PCDHGB7: variants seen among roughly 807,000 people sequenced by gnomAD.
The protein encoded by PCDHGB7 is protocadherin gamma-B7.
Under a neutral mutation model 61.4 loss-of-function variants are expected in PCDHGB7, and 37 were observed. The ratio of observed to expected loss-of-function variants is 0.60; its 90% confidence interval spans 0.46 to 0.79. The LOEUF is 0.79. Ranked by LOEUF, PCDHGB7 falls within the 30% of genes least tolerant of loss-of-function variation. PCDHGB7 has a pLI of 0.00. For synonymous variants in PCDHGB7, 464 were observed against 503.5 expected, an observed-to-expected ratio of 0.92 and a Z score of 1.05; for missense variants, 1,166 against 1,202.5, an observed-to-expected ratio of 0.97 and a Z score of 0.45.
chr5:141,419,770 G>C lies in PCDHGB7; in HGVS notation c.1911G>C (p.Ser637=). 1 of 1,614,006 alleles carries C rather than the reference G, an allele frequency of 6.2e-7. No homozygotes were observed. The highest frequency in any genetic ancestry group is 8.5e-7 in the Non-Finnish European group (1 of 1,179,890). The change falls in exon 1 of 4, where the codon TCG becomes TCC. Residue 637 remains serine (S), a synonymous_variant. Transcript: ENST00000398594. ...RMVRALGDKD[S]VRQRLLVAVR... ...TGCGTGCTTTGGGTGACAAGGACTC[G>C]GTCCGCCAGCGCCTGCTAGTCGCTG... is the stretch of plus-strand genomic sequence containing the variant.
At chr5:141,448,394 T>C (rs1360417681) in intron 1 of PCDHGB7, among the ~76,000 whole-genome samples, 1 of 152,206 alleles carries the variant, frequency 6.6e-6, no homozygotes. Context: ...TACATTTACA[T>C]GGTTTTAAAA....
rs575872277 is a variant in PCDHGB7, at chr5:141,511,848, G to A, written c.*675G>A. The A allele has an allele frequency of 6.4e-6, 1 of 156,684 alleles. No individual in the cohort carries two copies. The highest frequency in any genetic ancestry group is 2.0e-4 in the South Asian group (1 of 5,078). The allele number at this position is 156,684 out of a possible 1,614,324, so 9.7% of individuals were successfully genotyped here. A position where few individuals can be genotyped will look rare whatever the true frequency, so the allele number is the denominator to read the frequency against. ...GCCCTGGGGACCAGTCTTCTGTTTT[G>A]TTTTTCATTGTTTGACGTTTCCACT... On this transcript the variant is annotated 3_prime_UTR_variant, in exon 4 of 4. Transcript: ENST00000398594.
chr5:141,435,737 T>C (rs944951200), intron 1 of PCDHGB7, among the ~76,000 whole-genome samples: 1 of 152,202 alleles, frequency 6.6e-6, no homozygotes, highest in Non-Finnish European at 1.5e-5. Context: ...TATTACTCTT[T>C]GAAAAGCATT....
intron 2 of PCDHGB7, among the ~76,000 whole-genome samples, chr5:141,502,827 A>G (rs1003204508): frequency 2.7e-5 from 4 of 150,478 alleles, no homozygotes; most frequent in African/African-American, 9.8e-5. Flanking sequence ...TCCTTGGGGA[A>G]GCCTGGACTG....
chr5:141,479,572 T>G (rs956648090), intron 1 of PCDHGB7: 2 of 152,190 alleles, frequency 1.3e-5, no homozygotes, highest in African/African-American at 2.4e-5. Context: ...TGGGATGACA[T>G]CTGTGAATAG....
rs772000812 is a variant in PCDHGB7, at chr5:141,478,304, C to T, written c.2416-16503C>T. The T allele has an allele frequency of 8.1e-6, 13 of 1,614,108 alleles. No individual in the cohort carries two copies. In the Middle Eastern group the frequency reaches 1.2e-3, roughly 143 times the overall value. On this transcript the variant is annotated intron_variant, in intron 1 of 3. Coordinates refer to ENST00000398594, the MANE Select transcript of PCDHGB7 (RefSeq NM_018927.4). The stretch of plus-strand genomic sequence containing the variant: ...GCAGTCTAGAGACCTATACCGAGCC[C>T]CGGTGAGCTCACTGTACCGAACACC...
At chr5:141,460,177 T>C (rs1021646181) in intron 1 of PCDHGB7, among the ~76,000 whole-genome samples, 13 of 152,138 alleles carry the variant, frequency 8.5e-5, no homozygotes, top group African/African-American at 3.1e-4. Context: ...TTGTGGATAT[T>C]TTATCCCAGA....
At chr5:141,433,205 TTTC>T in intron 1 of PCDHGB7, 1 of 1,573,264 alleles carries the variant, frequency 6.4e-7, no homozygotes, top group Non-Finnish European at 8.6e-7. Context: ...TCAAATCTTC[TTTC>T]TTTTTTTTTT....
rs780436102 is a variant in PCDHGB7 at position 141,431,846 on chromosome 5, G to T, written c.2415+11572G>T. On this transcript the variant is annotated intron_variant, in intron 1 of 3. Coordinates refer to ENST00000398594, the MANE Select transcript of PCDHGB7 (RefSeq NM_018927.4). The surrounding 1 kb of genome is among the most constrained non-coding windows in gnomAD (Gnocchi z 4.8). ...CTCGGTTCCCGAAAACTCTCCCAGA[G>T]GGACATTAATTGCCCTTTTAAATGT... 4 of 1,614,274 alleles carry T rather than the reference G, an allele frequency of 2.5e-6. No homozygotes were observed. The South Asian group carries it at 4.4e-5, about 18-fold the overall frequency.
At chr5:141,446,365 G>T (rs2098499873) in intron 1 of PCDHGB7, among the ~76,000 whole-genome samples, 1 of 152,194 alleles carries the variant, frequency 6.6e-6, no homozygotes, top group Non-Finnish European at 1.5e-5. Flanking sequence ...GATGAGAATG[G>T]AAGACTAAAG....
In PCDHGB7 at chr5:141,489,152, A is replaced by C; in HGVS notation, c.2416-5655A>C. The C allele has an allele frequency of 2.1e-6, 2 of 960,350 alleles. No individual in the cohort carries two copies. Among genetic ancestry groups the C allele is most frequent in the Non-Finnish European group, 3.1e-6 (2 of 640,552 alleles). 59.5% of individuals were successfully genotyped at this position (960,350 alleles called of 1,614,324 possible). A position where few individuals can be genotyped will look rare whatever the true frequency, so the allele number is the denominator to read the frequency against. On this transcript the variant is annotated intron_variant, in intron 1 of 3. Transcript: ENST00000398594. This position sits in a 1 kb window ranked among gnomAD's most constrained non-coding sequence, Gnocchi z 4.5. The stretch of plus-strand genomic sequence containing the variant: ...TTTTAAGAGGCTGGAAGGAGACATA[A>C]GAGACTTCAGCTGCTGCATTCCAAG...
Position 141,486,862 on chromosome 5 carries a change from A to G in PCDHGB7, c.2416-7945A>G. The G allele has an allele frequency of 6.2e-7, 1 of 1,614,256 alleles. No individual in the cohort carries two copies. The highest frequency in any genetic ancestry group is 1.3e-5 in the African/African-American group (1 of 75,078). On this transcript the variant is annotated intron_variant, in intron 1 of 3. Transcript: ENST00000398594. This position sits in a 1 kb window ranked among gnomAD's most constrained non-coding sequence, Gnocchi z 5.0. Reference sequence around the variant, plus strand: ...TGCTGGACCTCAATGACAATGCTCCAGCTGTGCTCCGTCCTCGGGCCCGGC... The same window carrying G: ...TGCTGGACCTCAATGACAATGCTCCGGCTGTGCTCCGTCCTCGGGCCCGGC...
chr5:141,425,528 C>T (rs2096881702), intron 1 of PCDHGB7, among the ~76,000 whole-genome samples: 1 of 152,200 alleles, frequency 6.6e-6, no homozygotes, highest in African/African-American at 2.4e-5. Context: ...AAACATGAAA[C>T]AATAATCCTT....
At position 141,492,010 on chromosome 5, in the gene PCDHGB7, G is replaced by A. The variant is rs2099736138; in HGVS notation, c.2416-2797G>A. 2 of 617,370 alleles carry A rather than the reference G, an allele frequency of 3.2e-6. 1 individual carries two copies. Among genetic ancestry groups the A allele is most frequent in the Middle Eastern group, 8.7e-4 (2 of 2,312 alleles). The allele number at this position is 617,370 out of a possible 1,614,324, so 38.2% of individuals were successfully genotyped here. On this transcript the variant is annotated intron_variant, in intron 1 of 3. Transcript: ENST00000398594. Reference sequence around the variant, plus strand: ...GGTGAATTTCGGGCGATTTCCGCGGGTGTCGGGGGTCCCGGGAGGAGGCAG... The same window carrying A: ...GGTGAATTTCGGGCGATTTCCGCGGATGTCGGGGGTCCCGGGAGGAGGCAG...
In PCDHGB7 at chr5:141,431,913, T is replaced by C; in HGVS notation, c.2415+11639T>C. The C allele has an allele frequency of 6.2e-7, 1 of 1,614,140 alleles. No individual in the cohort carries two copies. Among genetic ancestry groups the C allele is most frequent in the Admixed American group, 1.7e-5 (1 of 60,034 alleles). On this transcript the variant is annotated intron_variant, in intron 1 of 3. Transcript: ENST00000398594. This position sits in a 1 kb window ranked among gnomAD's most constrained non-coding sequence, Gnocchi z 4.8. The stretch of plus-strand genomic sequence containing the variant: ...GAGGAAAACGGACAGGTGATCTGTT[T>C]CATCCAAGGAAATCTGCCCTTTAAA...
intron 1 of PCDHGB7, chr5:141,421,621 C>T (rs2154549322): frequency 6.2e-7 from 1 of 1,613,772 alleles, no homozygotes; most frequent in Non-Finnish European, 8.5e-7. Flanking sequence ...TGATAACGCC[C>T]CCAGCTTCCA....
At position 141,433,188 on chromosome 5, in the gene PCDHGB7, G is replaced by A. The variant is rs2097573612; in HGVS notation, c.2415+12914G>A. The A allele has an allele frequency of 2.5e-6, 4 of 1,583,816 alleles. No homozygotes were observed. The South Asian group carries it at 3.5e-5, about 14-fold the overall frequency. On this transcript the variant is annotated intron_variant, in intron 1 of 3. Coordinates refer to ENST00000398594, the MANE Select transcript of PCDHGB7 (RefSeq NM_018927.4). ...GACAGTCATGGGTTAATTGAGGTGA[G>A]TTTATATCAAATCTTCTTTCTTTTT...
Position 141,485,495 on chromosome 5 carries a change from T to C in PCDHGB7, c.2416-9312T>C. 1 of 1,613,494 alleles carries C rather than the reference T, an allele frequency of 6.2e-7. No homozygotes were observed. Among genetic ancestry groups the C allele is most frequent in the African/African-American group, 1.3e-5 (1 of 74,780 alleles). On this transcript the variant is annotated intron_variant, in intron 1 of 3. Coordinates refer to ENST00000398594, the MANE Select transcript of PCDHGB7 (RefSeq NM_018927.4). This position sits in a 1 kb window ranked among gnomAD's most constrained non-coding sequence, Gnocchi z 5.7. ...TGCCAGCTGCATCGTGCCCCTGGAG[T>C]TTGTCACCGAAGGTCCTTTGGAAAT...
At chr5:141,437,381 C>T (rs2097879875) in intron 1 of PCDHGB7, among the ~76,000 whole-genome samples, 1 of 152,222 alleles carries the variant, frequency 6.6e-6, no homozygotes, top group Non-Finnish European at 1.5e-5. Flanking sequence ...AGTCAGAAGA[C>T]ATTCATCCAC....
Sources: gnomAD v4.1 joint callset for allele counts (sites outside exome capture counted in the v4.1 genomes callset) on GRCh38, gnomAD v4.1.1 for gene constraint, Gnocchi (gnomAD v3.1) non-coding constraint, MANE v1.5 for transcripts, NCBI Gene and HGNC (gene_info 2026-07-23, HGNC 2026-07-21) for gene names.